MTRR: variants seen among roughly 807,000 people sequenced by gnomAD.
MTRR encodes methionine synthase reductase.
In MTRR, 63 loss-of-function variants were observed where a neutral mutation model predicts 79.2. The observed-to-expected ratio is 0.80, with a 90% confidence interval of 0.65 to 0.98. The LOEUF (loss-of-function observed/expected upper bound fraction) is 0.98, where lower values mean the gene tolerates loss of function less well. Among genes scored for constraint, MTRR ranks in the 50% least tolerant of loss-of-function variants. The pLI, the probability that MTRR is intolerant of heterozygous loss-of-function variation, is 0.00. For synonymous variants in MTRR, 355 were observed against 313.3 expected (o/e 1.13, Z -1.41); for missense variants, 895 against 839.6 (o/e 1.07, Z -0.82).
At chr5:7,877,026 T>C (rs979892354) in intron 4 of MTRR, among the ~76,000 whole-genome samples, 2 of 152,242 alleles carry the variant, frequency 1.3e-5, no homozygotes, top group Non-Finnish European at 2.9e-5. Flanking sequence ...TTTTGAGTAG[T>C]GTACCACATG....
chr5:7,895,725 A>G lies in MTRR; in HGVS notation c.1558-9A>G. ...TTTCATACTTACCACATTTGATGTAATATTTCAGATATCCATCTCTCCTCG... is the reference window on the plus strand; with the variant it reads ...TTTCATACTTACCACATTTGATGTAGTATTTCAGATATCCATCTCTCCTCG... On this transcript the variant is annotated splice_polypyrimidine_tract_variant and intron_variant, in intron 11 of 14. Transcript: ENST00000440940. 1 of 1,613,936 alleles carries G rather than the reference A, an allele frequency of 6.2e-7. No individual in the cohort carries two copies.
At position 7,885,681 on chromosome 5, in the gene MTRR, T is replaced by TCC; in HGVS notation, c.904-19_904-18insCC. On this transcript the variant is annotated intron_variant, in intron 6 of 14. Coordinates refer to ENST00000440940, the MANE Select transcript of MTRR (RefSeq NM_002454.3). ...ACACGTATAATGTATTTTTTTTTTT[T>TCC]CATTTTGGCTCTTCTCTAGAATACA... is the stretch of plus-strand genomic sequence containing the variant. 6.3e-7 allele frequency: 1 copy of TCC among 1,597,558 alleles called. No individual in the cohort carries two copies. The highest frequency in any genetic ancestry group is 8.6e-7 in the Non-Finnish European group (1 of 1,167,746).
intron 3 of MTRR, 83 bp from the exon 4 acceptor site, chr5:7,875,175 A>AT: frequency 1.1e-6 from 1 of 915,984 alleles, no homozygotes; most frequent in East Asian, 2.4e-5. Flanking sequence ...AAATAGTATT[A>AT]TTTTAGATAT....
rs777364593 is a variant in MTRR, at chr5:7,878,115, C to T, written c.573C>T (p.Val191=). 3.2e-5 allele frequency: 52 copies of T among 1,613,822 alleles called. No individual in the cohort carries two copies. The South Asian group carries it at 4.6e-4, about 14-fold the overall frequency. ...KSELLHIESQ[V]ELLRFDDSGR... is the part of the protein sequence containing the mutation. ...AGCTGCTACACATTGAATCTCAAGT[C>T]GAGCTTCTGAGATTCGATGATTCAG... The change falls in exon 5 of 15, where the codon GTC becomes GTT. Residue 191 remains valine (V), a synonymous_variant. Transcript: ENST00000440940.
intron 5 of MTRR, 123 bp downstream of exon 5, chr5:7,878,445 C>T: frequency 8.0e-7 from 1 of 1,254,922 alleles, no homozygotes; most frequent in Non-Finnish European, 1.1e-6. Context: ...CCAATGTGGC[C>T]CAGAGCCTTT....
At chr5:7,870,717 T>C (rs1276861940) in intron 1 of MTRR, 53 bp from the exon 2 acceptor site, 2 of 1,574,254 alleles carry the variant, frequency 1.3e-6, no homozygotes, top group African/African-American at 2.7e-5. Context: ...ATTAATATCT[T>C]TAGGTTGTTA....
chr5:7,891,561 G>T, intron 10 of MTRR, 147 bp downstream of exon 10: 3 of 678,224 alleles, frequency 4.4e-6, no homozygotes, highest in Non-Finnish European at 7.8e-6. Flanking sequence ...AGCAGAAGAA[G>T]AATCATAGAG....
chr5:7,862,838 A>T, intron 2 of MTRR: 1 of 1,612,950 alleles, frequency 6.2e-7, no homozygotes, highest in South Asian at 1.1e-5. Flanking sequence ...GTATAACAAT[A>T]GGGTGTCAAC....
chr5:7,872,303 CAAGT>C (rs1387574861), intron 2 of MTRR: 7 of 430,008 alleles, frequency 1.6e-5, no homozygotes, highest in Admixed American at 8.5e-5. Flanking sequence ...TGGAGTCTTA[CAAGT>C]AAGACAAGGA....
intron 1 of MTRR, among the ~76,000 whole-genome samples, chr5:7,856,475 G>A (rs1023987343): frequency 2.0e-5 from 3 of 152,144 alleles, no homozygotes; most frequent in Non-Finnish European, 2.9e-5. Context: ...CGAGCTGTAC[G>A]ATAAAGTTTA....
chr5:7,870,519 C>T lies in MTRR; in HGVS notation c.-25-251C>T, dbSNP rs1021833606. On this transcript the variant is annotated intron_variant, in intron 1 of 14. Transcript: ENST00000440940. Reference sequence around the variant, plus strand: ...TGCACTTAGGAAACACAGATTCAAGCCCAAGTAGTTTCGAGCCGATCATCT... The same window carrying T: ...TGCACTTAGGAAACACAGATTCAAGTCCAAGTAGTTTCGAGCCGATCATCT... The T allele has an allele frequency of 1.8e-5, 8 of 447,900 alleles. No homozygotes were observed. In the Admixed American group the frequency reaches 2.7e-4, roughly 15 times the overall value. The allele number at this position is 447,900 out of a possible 1,614,324, so 27.7% of individuals were successfully genotyped here.
At chr5:7,868,200 GAAAAAAA>G (rs34274545), upstream of MTRR, 1,250 of 223,860 alleles carry the variant, frequency 5.6e-3, no homozygotes, top group East Asian at 0.014. Context: ...CGAGTATCTG[GAAAAAAA>G]AAAAAAAAAA....
intron 14 of MTRR, among the ~76,000 whole-genome samples, chr5:7,898,501 C>T (rs942649643): frequency 6.6e-6 from 1 of 152,104 alleles, no homozygotes; most frequent in Non-Finnish European, 1.5e-5. Context: ...AGAAGGAAAC[C>T]CTGGGGCACT....
intron 1 of MTRR, chr5:7,861,526 G>T: frequency 1.6e-6 from 2 of 1,247,250 alleles, no homozygotes; most frequent in East Asian, 2.6e-5. Flanking sequence ...AAAAGATACC[G>T]CTGCTTATTA....
chr5:7,858,424 T>G (rs954200184), intron 1 of MTRR, among the ~76,000 whole-genome samples: 3 of 127,468 alleles, frequency 2.4e-5, no homozygotes, highest in African/African-American at 1.1e-4. Flanking sequence ...TACATCAGAA[T>G]CTACCGTGCT....
chr5:7,890,165 T>G (rs2126778045), intron 9 of MTRR: 1 of 732,258 alleles, frequency 1.4e-6, no homozygotes, highest in South Asian at 6.2e-5. Context: ...ATTGTCCTTT[T>G]TACTCTTGGG....
Position 7,896,847 on chromosome 5 carries a change from T to C in MTRR, c.1677-17T>C. On this transcript the variant is annotated splice_polypyrimidine_tract_variant and intron_variant, in intron 12 of 14. Coordinates refer to ENST00000440940, the MANE Select transcript of MTRR (RefSeq NM_002454.3). ...TTCTTTATATCACACACCTAAACTT[T>C]TTTTTTTTCCACTTAGAGAGAAACT... is the stretch of plus-strand genomic sequence containing the variant. The C allele has an allele frequency of 6.2e-7, 1 of 1,609,956 alleles. No homozygotes were observed. Among genetic ancestry groups the C allele is most frequent in the Non-Finnish European group, 8.5e-7 (1 of 1,176,416 alleles).
rs200661044 is a variant in MTRR at position 7,889,151 on chromosome 5, A to G, written c.1203A>G (p.Leu401=). The change falls in exon 9 of 15, where the codon CTA becomes CTG. Residue 401 remains leucine (L), a synonymous_variant. Coordinates refer to ENST00000440940, the MANE Select transcript of MTRR (RefSeq NM_002454.3). ...GTGACAGTGCTGAAAAGCGCAGGCT[A>G]CAGGAGCTGTGCAGTAAACAAGGGG... ...YTSDSAEKRR[L]QELCSKQGAA... 24 of 1,614,140 alleles carry G rather than the reference A, an allele frequency of 1.5e-5. No individual in the cohort carries two copies. Among genetic ancestry groups the G allele is most frequent in the Non-Finnish European group, 2.0e-5 (24 of 1,180,032 alleles).
At chr5:7,895,876 G>C in intron 12 of MTRR, 24 bp downstream of exon 12, 1 of 1,613,672 alleles carries the variant, frequency 6.2e-7, no homozygotes, top group South Asian at 1.1e-5. Flanking sequence ...TTGGCTAATG[G>C]GAAAATGTAT....
Sources: allele counts gnomAD v4.1 joint callset (sites outside exome capture counted in the v4.1 genomes callset), GRCh38; gene constraint gnomAD v4.1.1; transcripts MANE v1.5; gene names NCBI Gene and HGNC (gene_info 2026-07-23, HGNC 2026-07-21).